The following SH2D4A variants were observed in gnomAD, a reference collection of about 807,000 sequenced individuals.
SH2D4A encodes the protein SH2 domain containing 4A.
Under a neutral mutation model 64.7 loss-of-function variants are expected in SH2D4A, and 70 were observed. That is an observed-to-expected ratio of 1.08 (90% CI 0.89 to 1.32). SH2D4A has a LOEUF of 1.32. Among genes scored for constraint, SH2D4A ranks in the 40% most tolerant of loss-of-function variants. SH2D4A has a pLI of 0.00. For synonymous variants in SH2D4A, 268 were observed against 200.7 expected (o/e 1.34, Z -2.83); for missense variants, 706 against 540.1 (o/e 1.31, Z -3.04).
At chr8:19,340,823 C>G (rs534772776) in intron 4 of SH2D4A, among the ~76,000 whole-genome samples, 3 of 152,108 alleles carry the variant, frequency 2.0e-5, no homozygotes, top group Non-Finnish European at 4.4e-5. Context: ...GTCTTGAACT[C>G]CTGGGCTCGA....
At chr8:19,394,198 GATA>G (rs1175065972) in intron 9 of SH2D4A, among the ~76,000 whole-genome samples, 1 of 152,130 alleles carries the variant, frequency 6.6e-6, no homozygotes, top group Non-Finnish European at 1.5e-5. Context: ...GAGCTCAGGC[GATA>G]ATGTGAATGA....
At chr8:19,336,953 A>T (rs1166638791) in intron 4 of SH2D4A, among the ~76,000 whole-genome samples, 1 of 152,318 alleles carries the variant, frequency 6.6e-6, no homozygotes, top group Middle Eastern at 3.4e-3. Context: ...AAGTAGGACA[A>T]AAGATTAAAA....
chr8:19,387,664 T>C (rs1234033762), intron 8 of SH2D4A, among the ~76,000 whole-genome samples: 2 of 152,204 alleles, frequency 1.3e-5, no homozygotes, highest in African/African-American at 4.8e-5. Flanking sequence ...TAAGTAGTGG[T>C]TAAGAGCATG....
chr8:19,394,397 C>T (rs1221035293), intron 9 of SH2D4A, among the ~76,000 whole-genome samples, 153 bp from the exon 10 acceptor site: 3 of 152,128 alleles, frequency 2.0e-5, no homozygotes, highest in Non-Finnish European at 4.4e-5. Flanking sequence ...TACCTGGTCA[C>T]ATGTAGATAA....
intron 8 of SH2D4A, among the ~76,000 whole-genome samples, chr8:19,387,038 T>C (rs1331045026): frequency 1.6e-5 from 2 of 128,936 alleles, no homozygotes; most frequent in African/African-American, 6.0e-5. Context: ...TTTGTTGTTC[T>C]TTGTAGAGAT....
chr8:19,354,748 T>C (rs935437147), intron 4 of SH2D4A, among the ~76,000 whole-genome samples: 4 of 152,208 alleles, frequency 2.6e-5, no homozygotes, highest in Admixed American at 1.3e-4. Flanking sequence ...ACTGTACCCA[T>C]ACAGATGACA....
At chr8:19,319,874 C>T in intron 2 of SH2D4A, 146 bp downstream of exon 2, 1 of 712,508 alleles carries the variant, frequency 1.4e-6, no homozygotes, top group Non-Finnish European at 2.2e-6. Flanking sequence ...TCTAATAGTG[C>T]AGTATGTCCA....
At chr8:19,334,937 G>T in intron 4 of SH2D4A, 80 bp downstream of exon 4, 1 of 1,469,162 alleles carries the variant, frequency 6.8e-7, no homozygotes, top group Non-Finnish European at 9.1e-7. Flanking sequence ...GACTACTGTG[G>T]CTGAGTGTCA....
intron 2 of SH2D4A, among the ~76,000 whole-genome samples, chr8:19,324,757 A>C (rs1339291814): frequency 6.6e-6 from 1 of 152,100 alleles, no homozygotes; most frequent in Admixed American, 6.6e-5. Context: ...TTGAAAATTT[A>C]CTGAAAGCTT....
intron 4 of SH2D4A, among the ~76,000 whole-genome samples, chr8:19,356,195 C>A (rs1040185504): frequency 1.1e-4 from 16 of 152,202 alleles, no homozygotes; most frequent in Admixed American, 1.0e-3. Context: ...TATGTTAAGA[C>A]AACCGCTGAG....
chr8:19,327,966 G>A (rs1001806550), intron 2 of SH2D4A, among the ~76,000 whole-genome samples: 3 of 152,152 alleles, frequency 2.0e-5, no homozygotes, highest in African/African-American at 7.2e-5. Context: ...CATCTCAGCA[G>A]GGCTTGACAC....
chr8:19,387,658 TA>T (rs2053413261), intron 8 of SH2D4A, among the ~76,000 whole-genome samples: 1 of 152,186 alleles, frequency 6.6e-6, no homozygotes, highest in Non-Finnish European at 1.5e-5. Context: ...AGTAAGTAAG[TA>T]GTGGTTAAGA....
intron 7 of SH2D4A, among the ~76,000 whole-genome samples, chr8:19,367,896 G>T (rs1353800540): frequency 6.6e-6 from 1 of 152,014 alleles, no homozygotes; most frequent in Non-Finnish European, 1.5e-5. Flanking sequence ...AGCAACATAG[G>T]GAGACAGTCA....
chr8:19,379,592 C>T (rs1451589398), intron 8 of SH2D4A, among the ~76,000 whole-genome samples: 4 of 152,168 alleles, frequency 2.6e-5, no homozygotes, highest in Non-Finnish European at 5.9e-5. Flanking sequence ...AGAAACTGGC[C>T]ATACTGTTTT....
chr8:19,341,367 A>G (rs1159310752), intron 4 of SH2D4A, among the ~76,000 whole-genome samples: 3 of 152,258 alleles, frequency 2.0e-5, no homozygotes, highest in East Asian at 3.8e-4. Flanking sequence ...AACATTTGCT[A>G]TAAAAAATCT....
chr8:19,388,596 T>G (rs2053429750), intron 8 of SH2D4A, among the ~76,000 whole-genome samples: 1 of 152,238 alleles, frequency 6.6e-6, no homozygotes, highest in Admixed American at 6.5e-5. Context: ...TTTGGCCATC[T>G]TTCATCTGAT....
At chr8:19,337,504 C>T (rs1382584193) in intron 4 of SH2D4A, among the ~76,000 whole-genome samples, 1 of 151,840 alleles carries the variant, frequency 6.6e-6, no homozygotes, top group East Asian at 1.9e-4. Flanking sequence ...TCCTAAATCC[C>T]AAGACAAGTG....
chr8:19,381,046 G>GT (rs869149766), intron 8 of SH2D4A, among the ~76,000 whole-genome samples: 5,370 of 143,286 alleles, frequency 0.037, 247 homozygotes, highest in African/African-American at 0.11. Context: ...ATGTTTTGTA[G>GT]TTTTTTTTTT....
chr8:19,314,222 G>C, intron 1 of SH2D4A: 1 of 515,276 alleles, frequency 1.9e-6, no homozygotes, highest in Non-Finnish European at 2.6e-6. Flanking sequence ...CCCGCGGGGA[G>C]TGCAGGCCCC....
Sources: gnomAD v4.1 joint callset for allele counts (sites outside exome capture counted in the v4.1 genomes callset) on GRCh38, gnomAD v4.1.1 for gene constraint, MANE v1.5 for transcripts, NCBI Gene and HGNC (gene_info 2026-07-23, HGNC 2026-07-21) for gene names.